Variants in CTNNA3 observed in about 807,000 individuals in gnomAD.
CTNNA3 encodes catenin alpha 3.
CTNNA3 carries 76 observed loss-of-function variants against 95.7 expected under a neutral mutation model. The ratio of observed to expected loss-of-function variants is 0.79; its 90% CI spans 0.66 to 0.96. The LOEUF is 0.96. Ranked by LOEUF, CTNNA3 falls within the 40% of genes least tolerant of loss-of-function variation. CTNNA3 has a pLI of 0.00. For missense variants in CTNNA3, 1,191 were observed against 1,089.8 expected (o/e 1.09, Z -1.31); for synonymous variants, 431 against 374.4 (o/e 1.15, Z -1.74).
chr10:67,201,063 C>T (rs1243434523), intron 6 of CTNNA3, among the ~76,000 whole-genome samples: 2 of 152,142 alleles, frequency 1.3e-5, no homozygotes, highest in African/African-American at 2.4e-5. Flanking sequence ...GGAGTTCCTA[C>T]TCTGCATTGG....
intron 11 of CTNNA3, among the ~76,000 whole-genome samples, chr10:66,466,117 C>T (rs995140607): frequency 6.6e-6 from 1 of 151,956 alleles, no homozygotes; most frequent in Non-Finnish European, 1.5e-5. Flanking sequence ...ATTGAAGGCT[C>T]TAGAAAAATG....
At chr10:66,054,137 A>T (rs1436085588) in intron 15 of CTNNA3, among the ~76,000 whole-genome samples, 1 of 152,168 alleles carries the variant, frequency 6.6e-6, no homozygotes, top group Non-Finnish European at 1.5e-5. Flanking sequence ...TTTGATGGAT[A>T]CATAATTTTA....
intron 12 of CTNNA3, among the ~76,000 whole-genome samples, chr10:66,300,642 C>T (rs1458685506): frequency 6.6e-6 from 1 of 151,440 alleles, no homozygotes; most frequent in Admixed American, 6.6e-5. Flanking sequence ...ATCATGAACA[C>T]TTTAGATACA....
chr10:66,714,398 C>T (rs1475301058), intron 9 of CTNNA3, among the ~76,000 whole-genome samples: 4 of 152,142 alleles, frequency 2.6e-5, no homozygotes, highest in African/African-American at 9.7e-5. Context: ...AAGCCAGATA[C>T]ACAGTTATCC....
At chr10:66,237,652 G>T (rs1407535463) in intron 13 of CTNNA3, among the ~76,000 whole-genome samples, 3 of 151,866 alleles carry the variant, frequency 2.0e-5, no homozygotes, top group African/African-American at 4.8e-5. Context: ...GCCTTTTAGG[G>T]CTACGTAAGA....
intron 12 of CTNNA3, among the ~76,000 whole-genome samples, chr10:66,327,310 C>G (rs982046018): frequency 6.6e-6 from 1 of 152,072 alleles, no homozygotes; most frequent in Non-Finnish European, 1.5e-5. Flanking sequence ...AAATAAGGAA[C>G]TGATGTTCTT....
intron 10 of CTNNA3, among the ~76,000 whole-genome samples, chr10:66,528,109 C>T (rs1292936241): frequency 6.6e-6 from 1 of 152,082 alleles, no homozygotes; most frequent in Admixed American, 6.6e-5. Flanking sequence ...CCCACGCTCG[C>T]TCATAAGGGC....
At chr10:67,451,711 A>G (rs1388506957) in intron 5 of CTNNA3, among the ~76,000 whole-genome samples, 3 of 152,132 alleles carry the variant, frequency 2.0e-5, no homozygotes, top group Non-Finnish European at 4.4e-5. Flanking sequence ...CTAGAATTTG[A>G]TACTTCATTG....
chr10:66,498,344 A>G (rs780246688), intron 11 of CTNNA3, among the ~76,000 whole-genome samples: 1 of 152,116 alleles, frequency 6.6e-6, no homozygotes, highest in African/African-American at 2.4e-5. Context: ...TAAACTTAAT[A>G]TTTACTTACT....
rs541852342 is a variant in CTNNA3 at position 66,941,991 on chromosome 10, T to G, written c.1048-166467A>C. On this transcript the variant is annotated intron_variant, in intron 7 of 17. Transcript: ENST00000433211. ...GGGAGATCGTAGACTTCGAATCCAC[T>G]AGACCTGAAGTTAAATAAACCTGGG... Among the ~76,000 whole-genome samples, 7 of 152,290 alleles carry G rather than the reference T, an allele frequency of 4.6e-5. 1 individual carries two copies. The highest frequency in any genetic ancestry group is 1.7e-4 in the African/African-American group (7 of 41,548).
chr10:67,159,533 A>AT (rs1227988186), intron 7 of CTNNA3, among the ~76,000 whole-genome samples: 1 of 152,226 alleles, frequency 6.6e-6, no homozygotes, highest in African/African-American at 2.4e-5. Context: ...TTATTTATCA[A>AT]TTAAAAATGA....
intron 7 of CTNNA3, among the ~76,000 whole-genome samples, chr10:67,130,300 G>C (rs554420217): frequency 6.6e-6 from 1 of 152,136 alleles, no homozygotes; most frequent in East Asian, 1.9e-4. Context: ...TGGTTTGTAT[G>C]ATGAGGCTCT....
At chr10:66,359,661 TC>T (rs1208545788) in intron 12 of CTNNA3, among the ~76,000 whole-genome samples, 1 of 152,066 alleles carries the variant, frequency 6.6e-6, no homozygotes, top group East Asian at 1.9e-4. Flanking sequence ...ACATCTGTCA[TC>T]CCCCCCAAAC....
At chr10:66,438,692 G>C (rs2093354925) in intron 11 of CTNNA3, among the ~76,000 whole-genome samples, 1 of 152,100 alleles carries the variant, frequency 6.6e-6, no homozygotes, top group Non-Finnish European at 1.5e-5. Flanking sequence ...CCCCTTTCCA[G>C]CGGAGTAAAT....
intron 11 of CTNNA3, among the ~76,000 whole-genome samples, chr10:66,429,878 A>C (rs2093279011): frequency 6.6e-6 from 1 of 151,944 alleles, no homozygotes; most frequent in African/African-American, 2.4e-5. Flanking sequence ...CTCCTATTCA[A>C]CATAGTGTTG....
At chr10:67,351,513 A>C (rs1370353890) in intron 5 of CTNNA3, among the ~76,000 whole-genome samples, 1 of 152,072 alleles carries the variant, frequency 6.6e-6, no homozygotes, top group Non-Finnish European at 1.5e-5. Flanking sequence ...ACAAAAAACC[A>C]AGCTATAATT....
At chr10:66,212,051 G>A (rs576828029) in intron 13 of CTNNA3, among the ~76,000 whole-genome samples, 7 of 137,906 alleles carry the variant, frequency 5.1e-5, no homozygotes, top group African/African-American at 2.8e-5. Flanking sequence ...ATGCAGTGGC[G>A]CGATCTCAGC....
intron 5 of CTNNA3, among the ~76,000 whole-genome samples, chr10:67,270,811 G>A (rs10997601): frequency 0.16 from 24,339 of 152,048 alleles, 2,931 homozygotes; most frequent in African/African-American, 0.32. Context: ...ACGCTAATTC[G>A]TAAAGAAGCC....
intron 6 of CTNNA3, among the ~76,000 whole-genome samples, chr10:67,182,293 C>G (rs994014795): frequency 6.6e-6 from 1 of 152,264 alleles, no homozygotes; most frequent in Admixed American, 6.5e-5. Context: ...TTAAACTACA[C>G]CACAAGGCTA....
Sources: gnomAD v4.1 joint callset for allele counts (sites outside exome capture counted in the v4.1 genomes callset) on GRCh38, gnomAD v4.1.1 for gene constraint, MANE v1.5 for transcripts, NCBI Gene and HGNC (gene_info 2026-07-23, HGNC 2026-07-21) for gene names.